BEAN1: variants seen among roughly 807,000 people sequenced by gnomAD.
BEAN1 encodes the protein protein BEAN1.
In BEAN1, 17 loss-of-function variants were observed where a neutral mutation model predicts 17.7. The ratio of observed to expected loss-of-function variants is 0.96; its 90% CI spans 0.66 to 1.44. The LOEUF is 1.44. BEAN1 is among the 40% of genes most tolerant of loss of function. BEAN1 has a pLI of 0.00. For synonymous variants in BEAN1, 142 were observed against 151.8 expected, an observed-to-expected ratio of 0.94 and a Z score of 0.47; for missense variants, 359 against 374.1, an observed-to-expected ratio of 0.96 and a Z score of 0.33.
rs1407401728 is a variant in BEAN1 at position 66,427,901 on chromosome 16, G to A, written c.-83+470G>A. 1 of 152,314 alleles carries A rather than the reference G, an allele frequency of 6.6e-6. No individual in the cohort carries two copies. Among genetic ancestry groups the A allele is most frequent in the Non-Finnish European group, 1.5e-5 (1 of 68,156 alleles). 9.4% of individuals were successfully genotyped at this position (152,314 alleles called of 1,614,324 possible). A position where few individuals can be genotyped will look rare whatever the true frequency, so the allele number is the denominator to read the frequency against. On this transcript the variant is annotated intron_variant, in intron 1 of 4. Coordinates refer to ENST00000536005, the MANE Select transcript of BEAN1 (RefSeq NM_001178020.3). The surrounding 1 kb of genome is among the most constrained non-coding windows in gnomAD (Gnocchi z 4.7). Reference sequence around the variant, plus strand: ...AGAGGAAAGGGGCTGGGGCTTCACGGAGTTTGGAGTTTGAACCCACCCGCA... The same window carrying A: ...AGAGGAAAGGGGCTGGGGCTTCACGAAGTTTGGAGTTTGAACCCACCCGCA...
At chr16:66,470,157 C>T (rs1963422594) in intron 3 of BEAN1, 3 of 505,378 alleles carry the variant, frequency 5.9e-6, no homozygotes, top group Non-Finnish European at 1.1e-5. Context: ...AAGGGCTGGT[C>T]CATCTGGTGT....
rs771304390 is a variant in BEAN1, at chr16:66,471,625, C to T, written c.289+1760C>T. 2.6e-5 allele frequency among the ~76,000 whole-genome samples: 4 copies of T among 152,224 alleles called. No homozygotes were observed. Among genetic ancestry groups the T allele is most frequent in the African/African-American group, 7.2e-5 (3 of 41,456 alleles). Reference sequence around the variant, plus strand: ...TTGTGTAAGACACAGAGGGACATCCCGGGATGAGTCGGACAAGTGGCCACA... The same window carrying T: ...TTGTGTAAGACACAGAGGGACATCCTGGGATGAGTCGGACAAGTGGCCACA... On this transcript the variant is annotated intron_variant, in intron 3 of 4. Coordinates refer to ENST00000536005, the MANE Select transcript of BEAN1 (RefSeq NM_001178020.3). The surrounding 1 kb of genome is among the most constrained non-coding windows in gnomAD (Gnocchi z 4.7).
intron 1 of BEAN1, among the ~76,000 whole-genome samples, chr16:66,433,507 C>T (rs572369059): frequency 3.9e-5 from 6 of 152,322 alleles, no homozygotes; most frequent in South Asian, 4.1e-4. Context: ...CCTCTGGCCA[C>T]GGCCTCCCAA....
intron 4 of BEAN1, among the ~76,000 whole-genome samples, chr16:66,478,606 A>T (rs1049720710): frequency 7.2e-5 from 11 of 152,150 alleles, no homozygotes; most frequent in African/African-American, 2.7e-4. Context: ...CGTCTCAAAA[A>T]AATAATAATA....
At chr16:66,491,633 T>C (rs1964177156) in intron 4 of BEAN1, among the ~76,000 whole-genome samples, 1 of 152,046 alleles carries the variant, frequency 6.6e-6, no homozygotes, top group Non-Finnish European at 1.5e-5. Context: ...AGACAATTTT[T>C]CCACAGACAG....
In BEAN1 at chr16:66,490,396, CAATAAAATAAAATAAAATAAAATAA is replaced by C. The variant is rs202234411; in HGVS notation, c.148-2530_148-2506del. Among the ~76,000 whole-genome samples, 672 of 67,580 alleles carry C rather than the reference CAATAAAATAAAATAAAATAAAATAA, an allele frequency of 9.9e-3. 53 individuals are homozygous for C. The highest frequency in any genetic ancestry group is 0.034 in the African/African-American group (621 of 18,316). 44.3% of individuals were successfully genotyped at this position (67,580 alleles called of 152,430 possible). ...TGGGCAACAAAACAAGACTCTGTTT[CAATAAAATAAAATAAAATAAAATAA>C]AATAAAATAAAATAAAATAAAATAA... On this transcript the variant is annotated intron_variant, in intron 4 of 4. Transcript: ENST00000561796.
At chr16:66,490,018 G>A (rs75278341) in intron 4 of BEAN1, among the ~76,000 whole-genome samples, 19,415 of 151,708 alleles carry the variant, frequency 0.13, 2,310 homozygotes, top group African/African-American at 0.31. Context: ...CACCCAGGTG[G>A]CTGTCCTTCC....
chr16:66,481,215 C>A lies in BEAN1; in HGVS notation c.*290C>A, dbSNP rs1416415792. 6 of 407,692 alleles carry A rather than the reference C, an allele frequency of 1.5e-5. No homozygotes were observed. Among genetic ancestry groups the A allele is most frequent in the Non-Finnish European group, 2.6e-5 (6 of 231,660 alleles). The allele number at this position is 407,692 out of a possible 1,614,324, so 25.3% of individuals were successfully genotyped here. ...CTCTCCTGGCCTCCCGTCCCTCCTC[C>A]CGGCCTGTTTGTTGTGCCTCTGTAG... is the stretch of plus-strand genomic sequence containing the variant. On this transcript the variant is annotated 3_prime_UTR_variant, in exon 5 of 5. Coordinates refer to ENST00000536005, the MANE Select transcript of BEAN1 (RefSeq NM_001178020.3). This position sits in a 1 kb window ranked among gnomAD's most constrained non-coding sequence, Gnocchi z 4.1.
At chr16:66,459,665 T>C (rs1963009267) in intron 2 of BEAN1, among the ~76,000 whole-genome samples, 2 of 152,146 alleles carry the variant, frequency 1.3e-5, no homozygotes, top group South Asian at 4.1e-4. Context: ...CCTCACGGTA[T>C]GGTCCCTGCA....
intron 3 of BEAN1, among the ~76,000 whole-genome samples, chr16:66,474,664 GAGAA>G (rs1274933023): frequency 2.4e-5 from 3 of 127,552 alleles, no homozygotes; most frequent in East Asian, 2.3e-4. Context: ...ATAGAGAAGA[GAGAA>G]AGAAAGAAGA....
At chr16:66,485,145 A>G (rs1264510413), downstream of BEAN1, 1 of 453,058 alleles carries the variant, frequency 2.2e-6, no homozygotes, top group South Asian at 1.6e-5. Context: ...CACCACGAGG[A>G]ACATCCATTG....
chr16:66,455,216 C>T (rs1483228069), intron 2 of BEAN1, among the ~76,000 whole-genome samples: 1 of 152,170 alleles, frequency 6.6e-6, no homozygotes, highest in Non-Finnish European at 1.5e-5. Flanking sequence ...GGCTCTTAAA[C>T]ACTGCATTTA....
intron 2 of BEAN1, among the ~76,000 whole-genome samples, chr16:66,444,482 A>G (rs1052055563): frequency 6.6e-6 from 1 of 151,764 alleles, no homozygotes; most frequent in African/African-American, 2.4e-5. Flanking sequence ...GTGCAGGGGG[A>G]GGATGGAGGG....
chr16:66,491,450 AC>A (rs1468869904), intron 4 of BEAN1, among the ~76,000 whole-genome samples: 3 of 152,316 alleles, frequency 2.0e-5, no homozygotes, highest in African/African-American at 7.2e-5. Context: ...TCTGGGAGAA[AC>A]AGCATGCCCA....
At chr16:66,486,491 G>A (rs549722058), downstream of BEAN1, among the ~76,000 whole-genome samples, 110 of 152,270 alleles carry the variant, frequency 7.2e-4, no homozygotes, top group Non-Finnish European at 1.2e-3. Context: ...CTGACCTCAG[G>A]TGATCTGCCT....
intron 4 of BEAN1, among the ~76,000 whole-genome samples, chr16:66,480,099 T>G (rs894327608): frequency 5.3e-5 from 8 of 151,764 alleles, no homozygotes; most frequent in Admixed American, 5.2e-4. Flanking sequence ...CGAGCAGGGG[T>G]GGTGCTGCCA....
chr16:66,472,431 C>T (rs969964341), intron 3 of BEAN1, among the ~76,000 whole-genome samples: 3 of 152,228 alleles, frequency 2.0e-5, no homozygotes, highest in East Asian at 1.9e-4. Context: ...TAGTCAGGTG[C>T]GGTGGCTCAT....
intron 4 of BEAN1, among the ~76,000 whole-genome samples, chr16:66,491,236 G>A (rs1258462079): frequency 6.6e-6 from 1 of 152,230 alleles, no homozygotes; most frequent in African/African-American, 2.4e-5. Context: ...AGAGGAAGTG[G>A]CCCTTGCTCT....
intron 3 of BEAN1, among the ~76,000 whole-genome samples, chr16:66,476,864 G>A (rs956421743): frequency 6.6e-6 from 1 of 151,650 alleles, no homozygotes; most frequent in African/African-American, 2.4e-5. Flanking sequence ...AGCCTTTGAT[G>A]TCCTGGTGCA....
Sources: gnomAD v4.1 joint callset for allele counts (sites outside exome capture counted in the v4.1 genomes callset) on GRCh38, gnomAD v4.1.1 for gene constraint, Gnocchi (gnomAD v3.1) non-coding constraint, MANE v1.5 for transcripts, NCBI Gene and HGNC (gene_info 2026-07-23, HGNC 2026-07-21) for gene names.